The following LARGE1 variants were observed in gnomAD, a reference collection of about 807,000 sequenced individuals.
LARGE1 encodes xylosyl- and glucuronyltransferase LARGE1.
LARGE1 carries 43 observed loss-of-function variants against 87.6 expected under a neutral mutation model. The observed-to-expected ratio is 0.49, with a 90% CI of 0.38 to 0.63. The LOEUF is 0.63. Among genes scored for constraint, LARGE1 ranks in the 30% least tolerant of loss-of-function variants. The pLI is 0.00. For missense variants in LARGE1, 802 were observed against 1,000.2 expected (o/e 0.80, Z 2.67); for synonymous variants, 434 against 394.6 (o/e 1.10, Z -1.18).
At chr22:33,150,958 G>A in the LARGE1 span, among the ~76,000 whole-genome samples, 22 of 151,838 alleles carry the variant, frequency 1.4e-4, no homozygotes, top group Admixed American at 2.6e-4. Context: ...ATAAATTTCC[G>A]AATCAGCTTA....
intron 10 of LARGE1, among the ~76,000 whole-genome samples, chr22:33,327,643 C>A (rs1937356964): frequency 6.6e-6 from 1 of 152,148 alleles, no homozygotes; most frequent in African/African-American, 2.4e-5. Flanking sequence ...GCAGCCTCGA[C>A]CTCCCAGGCT....
chr22:33,588,815 C>T (rs2078754192), intron 5 of LARGE1, among the ~76,000 whole-genome samples: 2 of 152,104 alleles, frequency 1.3e-5, no homozygotes, highest in Admixed American at 6.6e-5. Flanking sequence ...AAACAAACCC[C>T]CACACACAGA....
At position 33,237,903 on chromosome 22, in the gene LARGE1, A is replaced by G. The variant is rs1472141515; in HGVS notation, c.1730+66326T>C. Among the ~76,000 whole-genome samples the G allele has an allele frequency of 3.3e-5, 5 of 152,260 alleles. No homozygotes were observed. In the East Asian group the frequency reaches 9.6e-4, roughly 29 times the overall value. ...ATAAATGTGCATAACGCACGGGAGT[A>G]CAGTATGGTAAAGGAAAGGGAGTGG... On this transcript the variant is annotated intron_variant, in intron 11 of 11. Transcript: ENST00000608642.
chr22:33,296,299 C>T (rs1933242715), intron 12 of LARGE1, among the ~76,000 whole-genome samples: 2 of 152,210 alleles, frequency 1.3e-5, no homozygotes, highest in Admixed American at 6.5e-5. Flanking sequence ...CAACTTTGTG[C>T]CACAGTTTTC....
intron 1 of LARGE1, among the ~76,000 whole-genome samples, chr22:33,861,014 C>A (rs1400471955): frequency 6.6e-6 from 1 of 152,158 alleles, no homozygotes; most frequent in East Asian, 1.9e-4. Context: ...GAGATTTCAA[C>A]CCTGAATCTC....
the LARGE1 span, among the ~76,000 whole-genome samples, chr22:33,152,050 C>A: frequency 8.6e-5 from 13 of 151,954 alleles, no homozygotes; most frequent in South Asian, 6.2e-4. Context: ...CCAGTGCAAT[C>A]ATCTTGGCCT....
intron 1 of LARGE1, among the ~76,000 whole-genome samples, chr22:33,809,492 T>C (rs1032332809): frequency 1.3e-5 from 2 of 152,184 alleles, no homozygotes; most frequent in Non-Finnish European, 2.9e-5. Flanking sequence ...AAATATGTAT[T>C]ATTAGATGCA....
At chr22:33,472,694 T>G (rs1249220979) in intron 6 of LARGE1, among the ~76,000 whole-genome samples, 3 of 152,200 alleles carry the variant, frequency 2.0e-5, no homozygotes, top group Non-Finnish European at 4.4e-5. Flanking sequence ...GTATAAAATC[T>G]AAACCACATT....
rs559887692 is a variant in LARGE1 at position 33,392,810 on chromosome 22, T to C, written c.893-8506A>G. On this transcript the variant is annotated intron_variant, in intron 7 of 14. Coordinates refer to ENST00000397394, the MANE Select transcript of LARGE1 (RefSeq NM_133642.5). ...ATGGATAATTAATGTCCAAACCTAGTAAATCATTTTTCTTTGTAATCCACT... is the reference window on the plus strand; with the variant it reads ...ATGGATAATTAATGTCCAAACCTAGCAAATCATTTTTCTTTGTAATCCACT... Among the ~76,000 whole-genome samples the C allele has an allele frequency of 8.4e-4, 128 of 152,340 alleles. 2 individuals carry two copies. In the South Asian group the frequency reaches 0.026, roughly 31 times the overall value.
At chr22:33,298,221 A>G (rs1185659856) in intron 12 of LARGE1, among the ~76,000 whole-genome samples, 1 of 152,072 alleles carries the variant, frequency 6.6e-6, no homozygotes, top group African/African-American at 2.4e-5. Flanking sequence ...ATCTGTGTGA[A>G]TCCCGATGCT....
At chr22:33,405,832 G>A (rs564014852) in intron 7 of LARGE1, among the ~76,000 whole-genome samples, 3 of 152,294 alleles carry the variant, frequency 2.0e-5, no homozygotes, top group South Asian at 2.1e-4. Context: ...CCCTTACTAC[G>A]TGTAAATTCC....
chr22:33,251,355 G>A (rs1037700609), intron 11 of LARGE1, among the ~76,000 whole-genome samples: 1 of 152,046 alleles, frequency 6.6e-6, no homozygotes, highest in African/African-American at 2.4e-5. Context: ...AACTATTTTT[G>A]TTTATCTGAT....
chr22:33,227,131 A>G (rs1026134170), intron 11 of LARGE1, among the ~76,000 whole-genome samples: 3 of 152,170 alleles, frequency 2.0e-5, no homozygotes, highest in African/African-American at 2.4e-5. Context: ...AGCTCATTTA[A>G]TTTTTATAGT....
rs181677561 is a variant in LARGE1, at chr22:33,786,171, C to T, written c.-82-24613G>A. On this transcript the variant is annotated intron_variant, in intron 1 of 14. Coordinates refer to ENST00000397394, the MANE Select transcript of LARGE1 (RefSeq NM_133642.5). ...GCACAGTATTCAGGTGCTGGGAAGA[C>T]AGGGAAGGTGGCTTTCCAAGTTCTA... 1.4e-4 allele frequency among the ~76,000 whole-genome samples: 22 copies of T among 152,232 alleles called. No individual in the cohort carries two copies. The East Asian group carries it at 4.3e-3, about 29-fold the overall frequency.
intron 11 of LARGE1, among the ~76,000 whole-genome samples, chr22:33,211,546 T>C (rs1376045714): frequency 6.6e-6 from 1 of 151,848 alleles, no homozygotes; most frequent in South Asian, 2.1e-4. Context: ...GCCGAGGCGA[T>C]GGATCACCTG....
chr22:33,642,094 T>G (rs181445815), intron 3 of LARGE1, among the ~76,000 whole-genome samples: 140 of 151,482 alleles, frequency 9.2e-4, no homozygotes, highest in Non-Finnish European at 1.6e-3. Flanking sequence ...ATTCTCCAGG[T>G]TTGAAACAAA....
intron 6 of LARGE1, among the ~76,000 whole-genome samples, chr22:33,465,772 T>G (rs2068582446): frequency 1.3e-5 from 2 of 152,202 alleles, no homozygotes; most frequent in African/African-American, 4.8e-5. Flanking sequence ...AAAGGCTGAG[T>G]GACAGTGACT....
rs1002564663 is a variant in LARGE1, at chr22:33,548,015, A to G, written c.787+16833T>C. Among the ~76,000 whole-genome samples, 6 of 152,118 alleles carry G rather than the reference A, an allele frequency of 3.9e-5. No individual in the cohort carries two copies. In the South Asian group the frequency reaches 1.2e-3, roughly 32 times the overall value. On this transcript the variant is annotated intron_variant, in intron 6 of 14. Coordinates refer to ENST00000397394, the MANE Select transcript of LARGE1 (RefSeq NM_133642.5). ...CCTACCCCACCCCCCAACTCCCAAT[A>G]TAAGGCAGATGTTTCAAGGACTCTT...
chr22:33,650,246 C>A (rs951555635), intron 3 of LARGE1, 121 bp downstream of exon 3: 1 of 1,264,414 alleles, frequency 7.9e-7, no homozygotes, highest in Non-Finnish European at 1.1e-6. Flanking sequence ...CTTACACACC[C>A]GGGCTAGAAT....
Sources: gnomAD v4.1 joint callset for allele counts (sites outside exome capture counted in the v4.1 genomes callset) on GRCh38, gnomAD v4.1.1 for gene constraint, MANE v1.5 for transcripts, NCBI Gene and HGNC (gene_info 2026-07-23, HGNC 2026-07-21) for gene names.